The following ZNF462 variants were observed in gnomAD, a reference collection of about 807,000 sequenced individuals.
ZNF462 encodes zinc finger protein 462.
In ZNF462, 10 loss-of-function variants were observed where a neutral mutation model predicts 201.9. The observed-to-expected ratio is 0.05, with a 90% CI of 0.03 to 0.08. The LOEUF is 0.08. ZNF462 is among the 10% of genes least tolerant of loss of function. The pLI is 1.00. For synonymous variants in ZNF462, 1,227 were observed against 1,193.3 expected (o/e 1.03, Z -0.58); for missense variants, 2,523 against 3,168.3 (o/e 0.80, Z 4.89).
intron 1 of ZNF462, among the ~76,000 whole-genome samples, chr9:106,877,710 A>C (rs1231009646): frequency 6.6e-6 from 1 of 152,166 alleles, no homozygotes; most frequent in African/African-American, 2.4e-5. Context: ...TTATAAATAA[A>C]CTTTAGAGTT....
At chr9:106,898,404 G>A (rs2131144349) in intron 1 of ZNF462, among the ~76,000 whole-genome samples, 2 of 152,304 alleles carry the variant, frequency 1.3e-5, no homozygotes, top group South Asian at 2.1e-4. Context: ...GTATGATTTT[G>A]TGCTAACCCT....
intron 1 of ZNF462, among the ~76,000 whole-genome samples, chr9:106,907,515 G>A (rs1829321239): frequency 6.6e-6 from 1 of 151,948 alleles, no homozygotes; most frequent in South Asian, 2.1e-4. Context: ...AGTTTTACAT[G>A]GTAATTTTAA....
Position 106,935,605 on chromosome 9 carries a change from A to G in ZNF462, c.6219A>G (p.Ile2073Met). The change falls in exon 6 of 13, where the codon ATA becomes ATG. Residue 2073 changes from isoleucine (I) to methionine (M), a missense_variant. Coordinates refer to ENST00000277225, the MANE Select transcript of ZNF462 (RefSeq NM_021224.6). This position sits in a 1 kb window ranked among gnomAD's most constrained non-coding sequence, Gnocchi z 4.1. ...SSYNSRLKTH[I>M]LKAHAGEHAY... ...ATAACAGCCGGCTGAAAACACATATACTCAAAGCTCATGCTGGTGAGTTGT... is the reference window on the plus strand; with the variant it reads ...ATAACAGCCGGCTGAAAACACATATGCTCAAAGCTCATGCTGGTGAGTTGT... The G allele has an allele frequency of 6.2e-7, 1 of 1,613,826 alleles. No individual in the cohort carries two copies. The highest frequency in any genetic ancestry group is 8.5e-7 in the Non-Finnish European group (1 of 1,179,850).
At chr9:106,889,609 G>A (rs1828484947) in intron 1 of ZNF462, among the ~76,000 whole-genome samples, 1 of 152,152 alleles carries the variant, frequency 6.6e-6, no homozygotes, top group South Asian at 2.1e-4. Flanking sequence ...TGGACCGTGG[G>A]CTTACTTGTT....
chr9:106,960,595 T>C (rs11791901), intron 7 of ZNF462, among the ~76,000 whole-genome samples: 1,991 of 152,218 alleles, frequency 0.013, 17 homozygotes, highest in Non-Finnish European at 0.018. Context: ...GAATTATGCA[T>C]TCGGTATTGT....
intron 1 of ZNF462, among the ~76,000 whole-genome samples, chr9:106,894,737 A>T (rs181681737): frequency 6.6e-6 from 1 of 152,208 alleles, no homozygotes; most frequent in African/African-American, 2.4e-5. Flanking sequence ...ACAGTGCCTG[A>T]TCCAAATGGA....
chr9:106,932,556 G>T lies in ZNF462; in HGVS notation c.6116+7G>T. On this transcript the variant is annotated splice_region_variant and intron_variant, in intron 5 of 12. Coordinates refer to ENST00000277225, the MANE Select transcript of ZNF462 (RefSeq NM_021224.6). This position sits in a 1 kb window ranked among gnomAD's most constrained non-coding sequence, Gnocchi z 6.8. Reference sequence around the variant, plus strand: ...TTTCTGCTTTCAGGCACAAGTAAGTGCTATTGGGGGGTCACTAGTGGTTAC... The same window carrying T: ...TTTCTGCTTTCAGGCACAAGTAAGTTCTATTGGGGGGTCACTAGTGGTTAC... The T allele has an allele frequency of 6.2e-7, 1 of 1,614,222 alleles. No homozygotes were observed. Among genetic ancestry groups the T allele is most frequent in the Non-Finnish European group, 8.5e-7 (1 of 1,180,040 alleles).
rs370669253 is a variant in ZNF462, at chr9:106,927,654, G to A, written c.3742G>A (p.Val1248Met). Residue 1248 changes from valine (V) to methionine (M), a missense_variant, in exon 3 of 13, where the codon GTG becomes ATG. Physicochemically the swap from Val to Met is conservative, Grantham distance 21 (BLOSUM62 1). Coordinates refer to ENST00000277225, the MANE Select transcript of ZNF462 (RefSeq NM_021224.6). ...AAATCAGAAGAAGCCTGCCAGCTGC[G>A]TGCTTGTCTCCCCCTCTAATCTGGA... The part of the protein sequence containing the change: ...DRNQKKPASC[V>M]LVSPSNLERD... 68 of 1,613,864 alleles carry A rather than the reference G, an allele frequency of 4.2e-5. No individual in the cohort carries two copies. Among genetic ancestry groups the A allele is most frequent in the East Asian group, 2.7e-4 (12 of 44,866 alleles).
chr9:106,864,096 CTCT>C (rs1564062745), intron 1 of ZNF462, among the ~76,000 whole-genome samples: 1 of 127,310 alleles, frequency 7.9e-6, no homozygotes, highest in East Asian at 2.2e-4. Context: ...CTCTCTCTCT[CTCT>C]CTCTCTCTCT....
chr9:106,952,283 G>C (rs1165555902), intron 7 of ZNF462, among the ~76,000 whole-genome samples: 2 of 152,028 alleles, frequency 1.3e-5, no homozygotes, highest in African/African-American at 4.8e-5. Context: ...CGACTTTATG[G>C]GGTTATTTCA....
intron 1 of ZNF462, among the ~76,000 whole-genome samples, chr9:106,897,365 A>G (rs981568402): frequency 6.6e-6 from 1 of 152,242 alleles, no homozygotes; most frequent in African/African-American, 2.4e-5. Flanking sequence ...TATGCAGGAA[A>G]AAGAACTAGA....
chr9:106,881,252 CT>C (rs1227213975), intron 1 of ZNF462, among the ~76,000 whole-genome samples: 1 of 152,120 alleles, frequency 6.6e-6, no homozygotes, highest in African/African-American at 2.4e-5. Flanking sequence ...GCAGCGTGCC[CT>C]CATATGAGGG....
chr9:106,909,589 T>C (rs1478365563), intron 1 of ZNF462, among the ~76,000 whole-genome samples: 1 of 152,188 alleles, frequency 6.6e-6, no homozygotes, highest in Non-Finnish European at 1.5e-5. Context: ...TTATTACTTT[T>C]ATATATTTAA....
chr9:106,895,933 T>G lies in ZNF462; in HGVS notation c.-30-27421T>G, dbSNP rs749611709. 5.3e-5 allele frequency among the ~76,000 whole-genome samples: 8 copies of G among 152,198 alleles called. No individual in the cohort carries two copies. The highest frequency in any genetic ancestry group is 1.9e-4 in the African/African-American group (8 of 41,454). On this transcript the variant is annotated intron_variant, in intron 1 of 12. Transcript: ENST00000277225. This position sits in a 1 kb window ranked among gnomAD's most constrained non-coding sequence, Gnocchi z 4.4. ...TCTACATCCTGGTTTTATTTACTTA[T>G]GAGAAGAAATGCAATGCAAAAAAAA... is the stretch of plus-strand genomic sequence containing the variant.
In ZNF462 at chr9:107,013,085, G is replaced by A. The variant is rs1267634739; in HGVS notation, c.*2055G>A. The A allele has an allele frequency of 1.4e-5, 2 of 142,246 alleles. No individual in the cohort carries two copies. Among genetic ancestry groups the A allele is most frequent in the East Asian group, 2.0e-4 (1 of 5,062 alleles). 8.8% of individuals were successfully genotyped at this position (142,246 alleles called of 1,614,324 possible). On this transcript the variant is annotated 3_prime_UTR_variant, in exon 13 of 13. Transcript: ENST00000277225. Reference sequence around the variant, plus strand: ...ATACCTGGATTGGGTGTTTGTAATGGTTACCAAAAAACAAACAAAAAAAGA... The same window carrying A: ...ATACCTGGATTGGGTGTTTGTAATGATTACCAAAAAACAAACAAAAAAAGA...
At position 106,872,150 on chromosome 9, in the gene ZNF462, A is replaced by T. The variant is rs1221934791; in HGVS notation, c.-31+8795A>T. On this transcript the variant is annotated intron_variant, in intron 1 of 12. Coordinates refer to ENST00000277225, the MANE Select transcript of ZNF462 (RefSeq NM_021224.6). This position sits in a 1 kb window ranked among gnomAD's most constrained non-coding sequence, Gnocchi z 4.5. ...ATTGAGCACCAATCATTCAACCCAG[A>T]TTGCCATGGGCCTGATGGAGGGTCC... Among the ~76,000 whole-genome samples the T allele has an allele frequency of 2.6e-5, 4 of 152,146 alleles. No individual in the cohort carries two copies. The highest frequency in any genetic ancestry group is 5.9e-5 in the Non-Finnish European group (4 of 68,030).
intron 1 of ZNF462, among the ~76,000 whole-genome samples, chr9:106,875,309 T>G (rs367716700): frequency 1.6e-4 from 24 of 152,294 alleles, no homozygotes; most frequent in South Asian, 1.0e-3. Flanking sequence ...AGGGGTCAAG[T>G]ATAACTGCAA....
chr9:106,924,816 T>C lies in ZNF462; in HGVS notation c.904T>C (p.Tyr302His). 1 of 1,614,168 alleles carries C rather than the reference T, an allele frequency of 6.2e-7. No homozygotes were observed. Among genetic ancestry groups the C allele is most frequent in the Non-Finnish European group, 8.5e-7 (1 of 1,180,036 alleles). Reference sequence around the variant, plus strand: ...CCCCAGCCCCACTTCCAACTCCACCTATCTGACCATGAATGCTGCAAGCCG... The same window carrying C: ...CCCCAGCCCCACTTCCAACTCCACCCATCTGACCATGAATGCTGCAAGCCG... Reference protein sequence around the residue: ...SAPSPTSNSTYLTMNAASREI... With the variant: ...SAPSPTSNSTHLTMNAASREI... The change falls in exon 3 of 13, where the codon TAT becomes CAT. Residue 302 changes from tyrosine (Y) to histidine (H), a missense_variant. By Grantham distance (83) the Tyr-to-His change is moderately conservative. This residue lies in a region of ZNF462 where 480 missense variants were observed against 544.4 expected (regional missense o/e 0.88). Coordinates refer to ENST00000277225, the MANE Select transcript of ZNF462 (RefSeq NM_021224.6). The surrounding 1 kb of genome is among the most constrained non-coding windows in gnomAD (Gnocchi z 6.2).
intron 1 of ZNF462, among the ~76,000 whole-genome samples, chr9:106,877,777 T>A (rs1827901766): frequency 6.6e-6 from 1 of 152,196 alleles, no homozygotes; most frequent in Non-Finnish European, 1.5e-5. Flanking sequence ...TTGTGTTTAT[T>A]TACTGGTGTT....
Sources: allele counts gnomAD v4.1 joint callset (sites outside exome capture counted in the v4.1 genomes callset), GRCh38; gene constraint gnomAD v4.1.1; regional missense constraint gnomAD v4.1.1; non-coding constraint Gnocchi (gnomAD v3.1); transcripts MANE v1.5; gene names NCBI Gene and HGNC (gene_info 2026-07-23, HGNC 2026-07-21).